The following EHBP1 variants were observed in gnomAD, a reference collection of about 807,000 sequenced individuals.
EHBP1 encodes the protein EH domain-binding protein 1.
A neutral mutation model predicts 144.0 loss-of-function variants in EHBP1; 55 were observed. The observed-to-expected ratio is 0.38, with a 90% confidence interval of 0.31 to 0.48. The LOEUF (loss-of-function observed/expected upper bound fraction) is 0.48, where lower values mean the gene tolerates loss of function less well. Ranked by LOEUF, EHBP1 falls within the 20% of genes least tolerant of loss-of-function variation. The pLI, the probability that EHBP1 is intolerant of heterozygous loss-of-function variation, is 0.98. For missense variants in EHBP1, 1,200 were observed against 1,364.2 expected (o/e 0.88, Z 1.90); for synonymous variants, 469 against 472.7 (o/e 0.99, Z 0.10).
intron 19 of EHBP1, among the ~76,000 whole-genome samples, chr2:63,006,789 C>G (rs548396004): frequency 2.0e-5 from 3 of 151,408 alleles, no homozygotes; most frequent in African/African-American, 7.3e-5. Flanking sequence ...GAGTTCAGTA[C>G]ATTTGTTAGT....
intron 2 of EHBP1, among the ~76,000 whole-genome samples, chr2:62,732,721 T>C (rs761496301): frequency 6.6e-6 from 1 of 152,210 alleles, no homozygotes; most frequent in Non-Finnish European, 1.5e-5. Context: ...TAAACCTCTT[T>C]TCTTTATAAA....
intron 16 of EHBP1, among the ~76,000 whole-genome samples, chr2:62,992,900 G>T (rs2059469483): frequency 6.6e-6 from 1 of 152,166 alleles, no homozygotes; most frequent in African/African-American, 2.4e-5. Flanking sequence ...GGTATAAAAT[G>T]AAATATTTGT....
chr2:62,743,621 C>T (rs1388043467), intron 2 of EHBP1, among the ~76,000 whole-genome samples: 1 of 152,154 alleles, frequency 6.6e-6, no homozygotes, highest in African/African-American at 2.4e-5. Flanking sequence ...TCGGGTTTTT[C>T]TCATGGCTTT....
chr2:62,906,360 A>G (rs1489702187), intron 10 of EHBP1, among the ~76,000 whole-genome samples: 3 of 152,080 alleles, frequency 2.0e-5, no homozygotes, highest in Non-Finnish European at 2.9e-5. Context: ...TTGCTATATC[A>G]TAAGTCTTAA....
intron 5 of EHBP1, among the ~76,000 whole-genome samples, chr2:62,784,911 G>T (rs929562753): frequency 1.2e-4 from 19 of 152,118 alleles, no homozygotes; most frequent in African/African-American, 4.3e-4. Context: ...TTGCCCACTG[G>T]ACCCTCTATG....
At chr2:62,848,630 G>T (rs1427649464) in intron 7 of EHBP1, among the ~76,000 whole-genome samples, 1 of 152,164 alleles carries the variant, frequency 6.6e-6, no homozygotes, top group Non-Finnish European at 1.5e-5. Context: ...CTACAACATA[G>T]ATGTACCTCA....
intron 5 of EHBP1, among the ~76,000 whole-genome samples, chr2:62,816,711 G>A (rs563827688): frequency 6.6e-5 from 10 of 152,286 alleles, no homozygotes; most frequent in South Asian, 2.1e-4. Flanking sequence ...TTAAGACGTG[G>A]CTCTATTGTC....
rs2039780988 is a variant in EHBP1 at position 62,752,007 on chromosome 2, A to G, written c.162+4555A>G. 1.3e-5 allele frequency among the ~76,000 whole-genome samples: 2 copies of G among 150,232 alleles called. 1 individual carries two copies. Among genetic ancestry groups the G allele is most frequent in the South Asian group, 4.2e-4 (2 of 4,752 alleles). ...CTTCAGTTCTTCTCTGATCTTAGTT[A>G]TTTCTTGCCTTCTGCTAGCTTTTGA... On this transcript the variant is annotated intron_variant, in intron 3 of 22. Transcript: ENST00000431489.
intron 5 of EHBP1, among the ~76,000 whole-genome samples, chr2:62,780,471 C>A (rs116440401): frequency 0.029 from 4,448 of 152,064 alleles, 210 homozygotes; most frequent in African/African-American, 0.1. Context: ...ATATATATAT[C>A]TCTCCTCCTT....
exon 1 of EHBP1, chr2:62,674,019 T>G (rs548629703): frequency 4.2e-6 from 2 of 470,996 alleles, no homozygotes; most frequent in South Asian, 3.1e-5. Flanking sequence ...TCAGAAAAGG[T>G]GACTGTGCAT....
Position 62,821,468 on chromosome 2 carries a change from C to T in EHBP1, c.313-4619C>T, listed in dbSNP as rs1049306198. On this transcript the variant is annotated intron_variant, in intron 5 of 22. Transcript: ENST00000431489. ...CTTTGGGAGGTTGAGGTAGGAGGAT[C>T]GCTTGAACCCAGGAGTTCAAGACTA... 3.9e-5 allele frequency among the ~76,000 whole-genome samples: 6 copies of T among 152,214 alleles called. No individual in the cohort carries two copies. The South Asian group carries it at 1.0e-3, about 26-fold the overall frequency.
intron 8 of EHBP1, among the ~76,000 whole-genome samples, chr2:62,863,847 T>TC (rs2049829939): frequency 7.4e-6 from 1 of 135,792 alleles, no homozygotes; most frequent in African/African-American, 2.7e-5. Context: ...GTTGTTTTTT[T>TC]TTTTTTTTTT....
At chr2:62,907,071 G>A (rs1057489217) in intron 10 of EHBP1, among the ~76,000 whole-genome samples, 3 of 152,004 alleles carry the variant, frequency 2.0e-5, no homozygotes, top group African/African-American at 7.2e-5. Context: ...TTCCTGTTTG[G>A]GGCTCTTATG....
intron 19 of EHBP1, among the ~76,000 whole-genome samples, chr2:62,998,693 T>C (rs1260845492): frequency 6.6e-6 from 1 of 152,146 alleles, no homozygotes; most frequent in Non-Finnish European, 1.5e-5. Context: ...CAACCATAGA[T>C]GCTTTATAAT....
intron 7 of EHBP1, among the ~76,000 whole-genome samples, chr2:62,845,448 C>G (rs1020422745): frequency 3.3e-5 from 5 of 152,058 alleles, no homozygotes; most frequent in Non-Finnish European, 7.4e-5. Context: ...GAGGAGATAC[C>G]AATTACATAT....
chr2:62,752,786 T>C (rs530332631), intron 3 of EHBP1, among the ~76,000 whole-genome samples: 36 of 146,750 alleles, frequency 2.5e-4, no homozygotes, highest in Middle Eastern at 3.2e-3. Context: ...TATCACACTT[T>C]GTTTAAAGTG....
chr2:62,944,340 A>G (rs1273060476), intron 12 of EHBP1, among the ~76,000 whole-genome samples: 2 of 152,230 alleles, frequency 1.3e-5, no homozygotes, highest in Non-Finnish European at 2.9e-5. Flanking sequence ...GGTCAAAAAC[A>G]GACCACATAG....
At chr2:62,686,708 G>A (rs1572864611) in intron 1 of EHBP1, among the ~76,000 whole-genome samples, 2 of 152,224 alleles carry the variant, frequency 1.3e-5, no homozygotes, top group East Asian at 3.9e-4. Context: ...AATGGTAAGC[G>A]AATGTTTTAA....
chr2:62,782,370 T>C (rs2042490590), intron 5 of EHBP1, among the ~76,000 whole-genome samples: 1 of 152,240 alleles, frequency 6.6e-6, no homozygotes, highest in Non-Finnish European at 1.5e-5. Flanking sequence ...GACATGGCTA[T>C]GTGTATTCCT....
Sources: allele counts gnomAD v4.1 joint callset (sites outside exome capture counted in the v4.1 genomes callset), GRCh38; gene constraint gnomAD v4.1.1; transcripts MANE v1.5; gene names NCBI Gene and HGNC (gene_info 2026-07-23, HGNC 2026-07-21).